EPB41: variants seen among roughly 807,000 people sequenced by gnomAD.
EPB41 encodes erythrocyte membrane protein band 4.1.
In EPB41, 65 loss-of-function variants were observed where a neutral mutation model predicts 108.0. The ratio of observed to expected loss-of-function variants is 0.60; its 90% CI spans 0.49 to 0.74. EPB41 has a LOEUF of 0.74. Ranked by LOEUF, EPB41 falls within the 30% of genes least tolerant of loss-of-function variation. The pLI is 0.00. For synonymous variants in EPB41, 336 were observed against 358.9 expected, an observed-to-expected ratio of 0.94 and a Z score of 0.72; for missense variants, 875 against 1,037.0, an observed-to-expected ratio of 0.84 and a Z score of 2.15.
intron 16 of EPB41, chr1:29,065,754 T>A (rs1430465661): frequency 6.5e-6 from 1 of 152,814 alleles, no homozygotes; most frequent in Non-Finnish European, 1.5e-5. Flanking sequence ...GACAGGCAGA[T>A]CACTTGAGTC....
chr1:28,897,452 G>C lies in EPB41; in HGVS notation c.-8+10242G>C, dbSNP rs368014726. Among the ~76,000 whole-genome samples, 666 of 151,966 alleles carry C rather than the reference G, an allele frequency of 4.4e-3. 4 individuals carry two copies. Among genetic ancestry groups the C allele is most frequent in the African/African-American group, 0.015 (641 of 41,414 alleles). On this transcript the variant is annotated intron_variant, in intron 1 of 16. Coordinates refer to the EPB41 transcript ENST00000347529. ...TCATTCCAGCTACTTGGGAGGCTGA[G>C]GTGGGAGGATCCCTTGAGCCCAGGA...
intron 1 of EPB41, among the ~76,000 whole-genome samples, chr1:28,971,465 A>G (rs906689833): frequency 2.0e-4 from 30 of 152,234 alleles, no homozygotes; most frequent in South Asian, 2.1e-4. Flanking sequence ...GATTACAGGC[A>G]TGAGCCACCG....
intron 4 of EPB41, among the ~76,000 whole-genome samples, chr1:29,006,548 T>A (rs1405837392): frequency 2.0e-5 from 3 of 151,984 alleles, no homozygotes; most frequent in East Asian, 1.9e-4. Context: ...AAGAATTTTT[T>A]AAAAGTGAAC....
At chr1:29,110,052 G>A (rs918302849) in intron 18 of EPB41, among the ~76,000 whole-genome samples, 1 of 147,448 alleles carries the variant, frequency 6.8e-6, no homozygotes, top group African/African-American at 2.5e-5. Context: ...TTAACTTAAG[G>A]GGCCAGGCGT....
intron 1 of EPB41, among the ~76,000 whole-genome samples, chr1:28,903,879 T>C (rs1345084059): frequency 1.3e-5 from 2 of 151,824 alleles, no homozygotes; most frequent in Non-Finnish European, 2.9e-5. Context: ...TGTTTGTTTG[T>C]TTTTTGAGAC....
chr1:28,989,559 A>G (rs1276802594), intron 2 of EPB41: 1 of 204,766 alleles, frequency 4.9e-6, no homozygotes, highest in Non-Finnish European at 8.6e-6. Context: ...TATTACATGT[A>G]TTTCTAGAAC....
intron 16 of EPB41, among the ~76,000 whole-genome samples, chr1:29,076,414 G>T (rs1654090091): frequency 6.6e-6 from 1 of 152,156 alleles, no homozygotes; most frequent in African/African-American, 2.4e-5. Context: ...AAGAGTAGAG[G>T]TGGGATAGTT....
chr1:29,059,289 A>G (rs970573044), intron 14 of EPB41, among the ~76,000 whole-genome samples: 1 of 152,114 alleles, frequency 6.6e-6, no homozygotes. Flanking sequence ...AAACTGAAGA[A>G]ACCATAATCC....
chr1:28,957,182 G>A (rs1427452862), intron 1 of EPB41, among the ~76,000 whole-genome samples: 1 of 152,226 alleles, frequency 6.6e-6, no homozygotes, highest in South Asian at 2.1e-4. Context: ...TGGCAGAATA[G>A]TACCACACTA....
In EPB41 at chr1:29,112,354, C is replaced by G; in HGVS notation, c.2416-14C>G. The stretch of plus-strand genomic sequence containing the variant: ...TATCGCTGATCTCATATGACATCTT[C>G]TCTTTGGTTCCAGACTGTAAAAGGT... On this transcript the variant is annotated splice_polypyrimidine_tract_variant and intron_variant, in intron 18 of 20. Coordinates refer to ENST00000343067, the MANE Select transcript of EPB41 (RefSeq NM_001376013.1). 6.2e-7 allele frequency: 1 copy of G among 1,604,336 alleles called. No individual in the cohort carries two copies. The highest frequency in any genetic ancestry group is 1.3e-5 in the African/African-American group (1 of 74,674).
Position 29,118,508 on chromosome 1 carries a change from A to C in EPB41, c.*1696A>C, listed in dbSNP as rs1445054732. On this transcript the variant is annotated 3_prime_UTR_variant, in exon 21 of 21. Coordinates refer to ENST00000343067, the MANE Select transcript of EPB41 (RefSeq NM_001376013.1). ...TTAGAATCCCAGTTCCAGCTTCCTA[A>C]AATAGACAGTGGGTATCGGGCAGCA... 1.3e-5 allele frequency: 2 copies of C among 152,240 alleles called. No homozygotes were observed. Among genetic ancestry groups the C allele is most frequent in the African/African-American group, 4.8e-5 (2 of 41,442 alleles). 9.4% of individuals were successfully genotyped at this position (152,240 alleles called of 1,614,324 possible). A position where few individuals can be genotyped will look rare whatever the true frequency, so the allele number is the denominator to read the frequency against.
chr1:29,072,119 G>A (rs1245935084), intron 16 of EPB41: 1 of 152,126 alleles, frequency 6.6e-6, no homozygotes, highest in Non-Finnish European at 1.5e-5. Flanking sequence ...AAAGAAGCAA[G>A]GACCAGGTTA....
chr1:28,900,406 G>T (rs1404940638), intron 1 of EPB41, among the ~76,000 whole-genome samples: 2 of 148,378 alleles, frequency 1.3e-5, no homozygotes, highest in Non-Finnish European at 3.0e-5. Context: ...TCCAACCTCA[G>T]CCTCCCAAGT....
At chr1:28,976,675 C>G (rs945392256) in intron 1 of EPB41, among the ~76,000 whole-genome samples, 9 of 149,568 alleles carry the variant, frequency 6.0e-5, no homozygotes, top group Non-Finnish European at 1.0e-4. Context: ...AACGGTAGCT[C>G]TTTTCTAACC....
chr1:28,979,982 A>G (rs2095698422), intron 1 of EPB41, among the ~76,000 whole-genome samples: 1 of 152,220 alleles, frequency 6.6e-6, no homozygotes, highest in African/African-American at 2.4e-5. Flanking sequence ...TTCAACCCCA[A>G]TGCATTTGGC....
At chr1:29,025,689 A>G (rs1262953077) in intron 7 of EPB41, among the ~76,000 whole-genome samples, 5 of 151,900 alleles carry the variant, frequency 3.3e-5, no homozygotes, top group Admixed American at 1.3e-4. Context: ...TTTTAATGAT[A>G]TTTTCCAAAT....
intron 1 of EPB41, among the ~76,000 whole-genome samples, chr1:28,930,653 T>G (rs2093695960): frequency 6.6e-6 from 1 of 151,790 alleles, no homozygotes; most frequent in Non-Finnish European, 1.5e-5. Context: ...CCTGGCTAAT[T>G]TTTGTATTTT....
At chr1:29,114,066 G>A (rs1408969776) in intron 19 of EPB41, among the ~76,000 whole-genome samples, 2 of 152,190 alleles carry the variant, frequency 1.3e-5, no homozygotes, top group Non-Finnish European at 2.9e-5. Flanking sequence ...CAGGAGACCA[G>A]AAGAGGGTTT....
intron 1 of EPB41, among the ~76,000 whole-genome samples, chr1:28,946,245 G>A (rs1296814820): frequency 6.6e-6 from 1 of 151,566 alleles, no homozygotes; most frequent in Non-Finnish European, 1.5e-5. Context: ...GCCCAGCCTG[G>A]AGTGCAATGG....
Sources: gnomAD v4.1 joint callset for allele counts (sites outside exome capture counted in the v4.1 genomes callset) on GRCh38, gnomAD v4.1.1 for gene constraint, MANE v1.5 for transcripts, NCBI Gene and HGNC (gene_info 2026-07-23, HGNC 2026-07-21) for gene names.